GLE1: variants seen among roughly 807,000 people sequenced by gnomAD.
GLE1 encodes GLE1 RNA export mediator, also known as mRNA export factor GLE1.
In GLE1, 78 loss-of-function variants were observed where a neutral mutation model predicts 97.3. The observed-to-expected ratio is 0.80, with a 90% confidence interval of 0.67 to 0.97. The LOEUF (loss-of-function observed/expected upper bound fraction) is 0.97. Ranked by LOEUF, GLE1 falls within the 50% of genes least tolerant of loss-of-function variation. The probability of loss-of-function intolerance (pLI) is 0.00; values close to 1 mark genes in which losing one functional copy is unlikely to be tolerated. For missense variants in GLE1, 753 were observed against 857.5 expected (o/e 0.88, Z 1.52); for synonymous variants, 302 against 313.4 (o/e 0.96, Z 0.39).
chr9:128,540,790 G>A, intron 15 of GLE1: 3 of 430,930 alleles, frequency 7.0e-6, no homozygotes, highest in Non-Finnish European at 1.3e-5. Context: ...TAGTGGGTTT[G>A]CCAAGATAGC....
At chr9:128,539,233 CA>C (rs565651529) in intron 13 of GLE1, among the ~76,000 whole-genome samples, 432 of 149,946 alleles carry the variant, frequency 2.9e-3, no homozygotes, top group Non-Finnish European at 4.5e-3. Flanking sequence ...GACCCTATTT[CA>C]AAAAAAAATA....
intron 2 of GLE1, among the ~76,000 whole-genome samples, chr9:128,514,232 G>A (rs932265728): frequency 4.0e-5 from 6 of 149,874 alleles, no homozygotes; most frequent in Non-Finnish European, 7.4e-5. Context: ...CCAGCTACTT[G>A]TGAGACTGAG....
rs553320822 is a variant in GLE1, at chr9:128,537,893, T to G, written c.1777-93T>G. ...GTGCTAGGGCTGGATGATCTGGGGT[T>G]CATTTCCACTTGGTAATGGCTGGAT... is the stretch of plus-strand genomic sequence containing the variant. On this transcript the variant is annotated intron_variant, in intron 12 of 15. Transcript: ENST00000309971. The G allele has an allele frequency of 2.6e-5, 20 of 756,034 alleles. No homozygotes were observed. In the African/African-American group the frequency reaches 3.1e-4, roughly 12 times the overall value. 46.8% of individuals were successfully genotyped at this position (756,034 alleles called of 1,614,324 possible).
rs767599399 is a variant in GLE1 at position 128,515,618 on chromosome 9, G to T, written c.411G>T (p.Leu137=). ...KVEGCVRMYE[L]VHRMKGTEGL... is the part of the protein sequence containing the mutation. ...AAGGCTGCGTCCGAATGTACGAACT[G>T]GTACACAGAATGAAAGGAACAGTAA... The change falls in exon 3 of 16, where the codon CTG becomes CTT. Residue 137 remains leucine, a synonymous_variant. Transcript: ENST00000309971. 8 of 1,583,910 alleles carry T rather than the reference G, an allele frequency of 5.1e-6. No individual in the cohort carries two copies. The highest frequency in any genetic ancestry group is 5.0e-5 in the Admixed American group (3 of 59,954).
intron 12 of GLE1, among the ~76,000 whole-genome samples, chr9:128,537,284 C>G (rs1053418268): frequency 1.1e-4 from 16 of 151,624 alleles, no homozygotes; most frequent in African/African-American, 3.9e-4. Context: ...GAAACCCCGT[C>G]TCTACTAAAA....
At chr9:128,519,321 G>A (rs1303883340) in intron 3 of GLE1, among the ~76,000 whole-genome samples, 1 of 152,216 alleles carries the variant, frequency 6.6e-6, no homozygotes, top group Non-Finnish European at 1.5e-5. Context: ...GCAGAACAAA[G>A]CCATATTTCT....
At position 128,525,358 on chromosome 9, in the gene GLE1, A is replaced by G. The variant is rs1242277283; in HGVS notation, c.1064A>G (p.Gln355Arg). The G allele has an allele frequency of 2.5e-6, 4 of 1,613,296 alleles. No homozygotes were observed. The Admixed American group carries it at 6.7e-5, about 27-fold the overall frequency. The change falls in exon 7 of 16, where the codon CAG becomes CGG. Residue 355 changes from glutamine (Q) to arginine (R), a missense_variant. Physicochemically the swap from Gln to Arg is conservative, Grantham distance 43 (BLOSUM62 1). Coordinates refer to ENST00000309971, the MANE Select transcript of GLE1 (RefSeq NM_001003722.2). ...QVKLQEAQMQ[Q>R]GPEAHKEPPA... ...AAGCTGCAAGAGGCACAGATGCAGC[A>G]GGGACCAGAGGCCCACAAAGAGCCC...
intron 2 of GLE1, among the ~76,000 whole-genome samples, chr9:128,514,939 G>C (rs1402126285): frequency 1.3e-5 from 2 of 151,902 alleles, no homozygotes; most frequent in African/African-American, 4.8e-5. Context: ...GCCTTAGCCT[G>C]CCTCCTCAGT....
In GLE1 at chr9:128,513,848, C is replaced by G. The variant is rs143108297; in HGVS notation, c.322-1681C>G. ...TGGCTAACATGGTGAAACACCATCTCTACTAAAAATACAAAAAAAATTATC... is the reference window on the plus strand; with the variant it reads ...TGGCTAACATGGTGAAACACCATCTGTACTAAAAATACAAAAAAAATTATC... On this transcript the variant is annotated intron_variant, in intron 2 of 15. Transcript: ENST00000309971. 1.0e-3 allele frequency among the ~76,000 whole-genome samples: 153 copies of G among 151,852 alleles called. 1 individual carries two copies. In the East Asian group the frequency reaches 0.024, roughly 24 times the overall value.
intron 2 of GLE1, among the ~76,000 whole-genome samples, chr9:128,514,026 A>AC (rs1564144614): frequency 6.6e-6 from 1 of 150,658 alleles, no homozygotes; most frequent in Non-Finnish European, 1.5e-5. Context: ...TCAAAAAAAA[A>AC]AAAAAAGAAA....
chr9:128,509,880 G>C (rs1366841552), intron 2 of GLE1, among the ~76,000 whole-genome samples: 1 of 152,080 alleles, frequency 6.6e-6, no homozygotes, highest in African/African-American at 2.4e-5. Flanking sequence ...GATCACTTGA[G>C]CCCAGGAGTT....
chr9:128,540,249 AT>A, intron 14 of GLE1, 25 bp from the exon 15 acceptor site: 1 of 1,499,628 alleles, frequency 6.7e-7, no homozygotes, highest in Non-Finnish European at 9.3e-7. Context: ...CATAGGTGTG[AT>A]TCATGTGTCT....
intron 9 of GLE1, among the ~76,000 whole-genome samples, chr9:128,530,460 T>A (rs80249276): frequency 0.026 from 4,029 of 152,286 alleles, 174 homozygotes; most frequent in African/African-American, 0.092. Flanking sequence ...TTGCCTTTTT[T>A]AATTTTTCTA....
At chr9:128,513,443 T>TA in intron 2 of GLE1, among the ~76,000 whole-genome samples, 1 of 151,892 alleles carries the variant, frequency 6.6e-6, no homozygotes, top group Admixed American at 6.6e-5. Context: ...TTAATGAAAA[T>TA]AAAAAAGCTG....
At chr9:128,522,549 G>A in intron 3 of GLE1, 119 bp from the exon 4 acceptor site, 1 of 1,084,016 alleles carries the variant, frequency 9.2e-7, no homozygotes. Flanking sequence ...GCTACTTGGG[G>A]AGCTGAGACA....
At position 128,542,235 on chromosome 9, in the gene GLE1, T is replaced by C. The variant is rs534578475; in HGVS notation, c.*1065T>C. 3 of 152,268 alleles carry C rather than the reference T, an allele frequency of 2.0e-5. No individual in the cohort carries two copies. Among genetic ancestry groups the C allele is most frequent in the East Asian group, 3.9e-4 (2 of 5,186 alleles). The allele number at this position is 152,268 out of a possible 1,614,324, so 9.4% of individuals were successfully genotyped here. ...GGCCTGAAGTGACCCATTCTATGAA[T>C]TGTTAATTAAGGTGCCAAAAAAAAT... is the stretch of plus-strand genomic sequence containing the variant. On this transcript the variant is annotated 3_prime_UTR_variant, in exon 16 of 16. Coordinates refer to ENST00000309971, the MANE Select transcript of GLE1 (RefSeq NM_001003722.2).
chr9:128,525,150 C>G (rs1173893649), intron 6 of GLE1, 42 bp from the exon 7 acceptor site: 2 of 1,422,786 alleles, frequency 1.4e-6, no homozygotes, highest in Non-Finnish European at 2.0e-6. Flanking sequence ...TATGATTTAC[C>G]TAGGGAATGA....
At chr9:128,527,097 A>G in intron 7 of GLE1, 82 bp from the exon 8 acceptor site, 1 of 770,722 alleles carries the variant, frequency 1.3e-6, no homozygotes, top group Non-Finnish European at 2.3e-6. Context: ...GTACATACAT[A>G]AAGTGATTAT....
intron 2 of GLE1, among the ~76,000 whole-genome samples, chr9:128,514,562 C>T (rs1020909319): frequency 1.3e-5 from 2 of 151,722 alleles, no homozygotes; most frequent in African/African-American, 4.8e-5. Context: ...CCCGCCTCAG[C>T]CTCCCGAGTA....
Sources: allele counts gnomAD v4.1 joint callset (sites outside exome capture counted in the v4.1 genomes callset), GRCh38; gene constraint gnomAD v4.1.1; transcripts MANE v1.5; gene names NCBI Gene and HGNC (gene_info 2026-07-23, HGNC 2026-07-21).